The following FAM135A variants were observed in gnomAD, a reference collection of about 807,000 sequenced individuals.
The protein encoded by FAM135A is family with sequence similarity 135 member A.
A neutral mutation model predicts 146.8 loss-of-function variants in FAM135A; 79 were observed. The observed-to-expected ratio is 0.54, with a 90% CI of 0.45 to 0.65. The LOEUF is 0.65. FAM135A is among the 30% of genes least tolerant of loss of function. The pLI is 0.00. For missense variants in FAM135A, 1,623 were observed against 1,758.2 expected (o/e 0.92, Z 1.38); for synonymous variants, 562 against 603.6 (o/e 0.93, Z 1.01).
rs1773022736 is a variant in FAM135A at position 70,435,959 on chromosome 6, T to G, written c.77+7540T>G. On this transcript the variant is annotated intron_variant, in intron 4 of 21. Transcript: ENST00000418814. ...AGCACTTTGGGAGGCCGAAGCAGGC[T>G]GATCACCTGAGGTCAGGAGTTCGAG... Among the ~76,000 whole-genome samples, 4 of 152,244 alleles carry G rather than the reference T, an allele frequency of 2.6e-5. No individual in the cohort carries two copies. In the South Asian group the frequency reaches 6.2e-4, roughly 24 times the overall value.
chr6:70,435,210 T>C (rs955658897), intron 4 of FAM135A, among the ~76,000 whole-genome samples: 4 of 151,170 alleles, frequency 2.6e-5, no homozygotes, highest in Admixed American at 2.6e-4. Flanking sequence ...TTCAAGCAGT[T>C]CTCCCTGTCT....
At chr6:70,496,971 A>G (rs1787422525) in intron 11 of FAM135A, among the ~76,000 whole-genome samples, 1 of 151,984 alleles carries the variant, frequency 6.6e-6, no homozygotes, top group South Asian at 2.1e-4. Context: ...TTTGCTTAGG[A>G]TTGTCTTGGC....
chr6:70,508,958 A>G (rs1222207941), intron 12 of FAM135A, among the ~76,000 whole-genome samples: 1 of 152,188 alleles, frequency 6.6e-6, no homozygotes, highest in Non-Finnish European at 1.5e-5. Context: ...GAAGAAAACA[A>G]ATTTTAAGCT....
chr6:70,521,088 GT>G (rs946881931), intron 12 of FAM135A, among the ~76,000 whole-genome samples: 1 of 151,330 alleles, frequency 6.6e-6, no homozygotes, highest in Non-Finnish European at 1.5e-5. Context: ...CATCCTAGAG[GT>G]TTTTTTTTGT....
At chr6:70,426,323 C>CAT (rs764399692) in intron 2 of FAM135A, 116 bp from the exon 3 acceptor site, 2 of 152,036 alleles carry the variant, frequency 1.3e-5, no homozygotes, top group Non-Finnish European at 2.9e-5. Context: ...CTTCGAAGGA[C>CAT]ATATATCTTT....
intron 4 of FAM135A, among the ~76,000 whole-genome samples, chr6:70,436,315 G>C (rs957767136): frequency 5.9e-5 from 9 of 152,070 alleles, no homozygotes; most frequent in Admixed American, 5.2e-4. Context: ...TCTTCAGTAA[G>C]ATATAAGGAC....
rs762945530 is a variant in FAM135A, at chr6:70,450,826, C to G, written c.78-1666C>G. 8.1e-5 allele frequency among the ~76,000 whole-genome samples: 11 copies of G among 135,804 alleles called. 1 individual carries two copies. The highest frequency in any genetic ancestry group is 1.4e-4 in the Non-Finnish European group (9 of 65,360). 89.1% of individuals were successfully genotyped at this position (135,804 alleles called of 152,430 possible). On this transcript the variant is annotated intron_variant, in intron 4 of 21. Transcript: ENST00000418814. The stretch of plus-strand genomic sequence containing the variant: ...GTATGATCTCAGCTCACTGCAAACT[C>G]TGCCTCCTGGATTTAAGCAATTCTC...
intron 4 of FAM135A, among the ~76,000 whole-genome samples, chr6:70,433,782 A>G (rs1207409497): frequency 3.3e-5 from 5 of 152,236 alleles, no homozygotes; most frequent in Non-Finnish European, 5.9e-5. Context: ...AGATTATTCA[A>G]TGTTAAAAAA....
chr6:70,489,940 T>C (rs1193735476), intron 10 of FAM135A, among the ~76,000 whole-genome samples: 1 of 152,176 alleles, frequency 6.6e-6, no homozygotes, highest in Non-Finnish European at 1.5e-5. Context: ...CTTTTTGCTG[T>C]CAGTGGGCGA....
At position 70,548,960 on chromosome 6, in the gene FAM135A, A is replaced by G. The variant is rs1329868086; in HGVS notation, c.4229-7790A>G. 3.3e-5 allele frequency among the ~76,000 whole-genome samples: 5 copies of G among 152,096 alleles called. No homozygotes were observed. In the South Asian group the frequency reaches 6.2e-4, roughly 19 times the overall value. ...AAAAATATATATATATGGAAGGCCAATAAACAATAAGTTAATCATTTTTGC... is the reference window on the plus strand; with the variant it reads ...AAAAATATATATATATGGAAGGCCAGTAAACAATAAGTTAATCATTTTTGC... On this transcript the variant is annotated intron_variant, in intron 20 of 21. Coordinates refer to ENST00000418814, the MANE Select transcript of FAM135A (RefSeq NM_001162529.3).
intron 12 of FAM135A, among the ~76,000 whole-genome samples, chr6:70,506,144 A>C (rs79047246): frequency 2.6e-5 from 4 of 152,184 alleles, no homozygotes; most frequent in African/African-American, 9.6e-5. Flanking sequence ...AAAGGTAGCC[A>C]GTTTTCAGGG....
At chr6:70,522,650 G>T in intron 13 of FAM135A, 64 bp downstream of exon 13, 1 of 1,282,158 alleles carries the variant, frequency 7.8e-7, no homozygotes, top group Non-Finnish European at 1.1e-6. Context: ...ACCTGTCTCA[G>T]AATTTATCAG....
intron 1 of FAM135A, chr6:70,414,089 C>G: frequency 1.0e-6 from 1 of 973,928 alleles, no homozygotes; most frequent in Non-Finnish European, 1.2e-6. Flanking sequence ...GCTTTTTCAT[C>G]CCGCGCCTCC....
chr6:70,443,447 A>G (rs1420835677), intron 4 of FAM135A, among the ~76,000 whole-genome samples: 2 of 152,230 alleles, frequency 1.3e-5, no homozygotes, highest in Non-Finnish European at 2.9e-5. Flanking sequence ...CTTAGCAGCA[A>G]TGAGCTATGT....
intron 5 of FAM135A, among the ~76,000 whole-genome samples, chr6:70,475,194 A>T (rs1472160620): frequency 4.6e-5 from 7 of 152,202 alleles, no homozygotes; most frequent in African/African-American, 1.7e-4. Flanking sequence ...TCAGATTAAG[A>T]TGTCATGCAG....
Position 70,525,183 on chromosome 6 carries a change from A to G in FAM135A, c.2099A>G (p.Glu700Gly). The G allele has an allele frequency of 6.3e-7, 1 of 1,593,088 alleles. No individual in the cohort carries two copies. Among genetic ancestry groups the G allele is most frequent in the Non-Finnish European group, 8.5e-7 (1 of 1,173,060 alleles). The change falls in exon 15 of 22, where the codon GAA becomes GGA. Residue 700 changes from glutamate (E) to glycine (G), a missense_variant. Around this residue, in one of 7 missense-constraint regions of FAM135A, gnomAD observed 1,061 missense variants for 1,113.8 expected, o/e 0.95. Transcript: ENST00000418814. ...TTACTACCCAACTTTGAGTCCTTAGAATCTAATGGTAAATCTAAATCTATA... is the reference window on the plus strand; with the variant it reads ...TTACTACCCAACTTTGAGTCCTTAGGATCTAATGGTAAATCTAAATCTATA... ...DNLLPNFESLESNGKSKSIEI... is the reference protein window; with the variant it reads ...DNLLPNFESLGSNGKSKSIEI...
intron 4 of FAM135A, among the ~76,000 whole-genome samples, chr6:70,429,257 A>C (rs1405397738): frequency 2.0e-5 from 3 of 152,114 alleles, no homozygotes; most frequent in African/African-American, 7.2e-5. Flanking sequence ...TCACACCTGT[A>C]ATCCCAGGAC....
chr6:70,526,325 CA>C lies in FAM135A; in HGVS notation c.3242del (p.Gln1081ArgfsTer32). On this transcript the variant is annotated frameshift_variant, in exon 15 of 22. Coordinates refer to ENST00000418814, the MANE Select transcript of FAM135A (RefSeq NM_001162529.3). LOFTEE classifies it high-confidence loss of function. Reference sequence around the variant, plus strand: ...AGAAATTAGTAATCTTCAGCAGGAACAGGATAAAGAGGATGAGGAGGAAGAG... The same window carrying C: ...AGAAATTAGTAATCTTCAGCAGGAACGGATAAAGAGGATGAGGAGGAAGAG... ...EKEISNLQQE[Q>X]DKEDEEEEQD... 2 of 1,613,190 alleles carry C rather than the reference CA, an allele frequency of 1.2e-6. No homozygotes were observed. The highest frequency in any genetic ancestry group is 1.7e-6 in the Non-Finnish European group (2 of 1,179,554).
rs191004358 is a variant in FAM135A, at chr6:70,481,386, C to T, written c.669+359C>T. Among the ~76,000 whole-genome samples, 15 of 152,216 alleles carry T rather than the reference C, an allele frequency of 9.9e-5. No individual in the cohort carries two copies. The East Asian group carries it at 2.9e-3, about 29-fold the overall frequency. Reference sequence around the variant, plus strand: ...AGCGCAGGCCAGGTGTTGTGGCTCACGCCTGTAATCCCAACACTTTGGAAG... The same window carrying T: ...AGCGCAGGCCAGGTGTTGTGGCTCATGCCTGTAATCCCAACACTTTGGAAG... On this transcript the variant is annotated intron_variant, in intron 9 of 21. Transcript: ENST00000418814.
Sources: allele counts gnomAD v4.1 joint callset (sites outside exome capture counted in the v4.1 genomes callset), GRCh38; gene constraint gnomAD v4.1.1; regional missense constraint gnomAD v4.1.1; transcripts MANE v1.5; gene names NCBI Gene and HGNC (gene_info 2026-07-23, HGNC 2026-07-21).